Variants in MST1R observed in about 807,000 individuals in gnomAD.
MST1R encodes the protein macrophage-stimulating protein receptor.
In MST1R, 99 loss-of-function variants were observed where a neutral mutation model predicts 117.8. The observed-to-expected ratio is 0.84, with a 90% CI of 0.71 to 0.99. The LOEUF (loss-of-function observed/expected upper bound fraction) is 0.99. Among genes scored for constraint, MST1R ranks in the 50% least tolerant of loss-of-function variants. The probability of loss-of-function intolerance (pLI) is 0.00; values close to 1 mark genes in which losing one functional copy is unlikely to be tolerated. For missense variants in MST1R, 1,683 were observed against 1,840.2 expected (o/e 0.91, Z 1.56); for synonymous variants, 734 against 765.3 (o/e 0.96, Z 0.68).
chr3:49,897,364 G>A lies in MST1R; in HGVS notation c.2099C>T (p.Thr700Ile), dbSNP rs751765387. ...QPLFGPRAGG[T>I]CLTLEGQSLS... Reference sequence around the variant, plus strand: ...ACTCTGGCCTTCAAGAGTGAGACAGGTGCCTCCTGCCCGTGGGCCAAAGAG... The same window carrying A: ...ACTCTGGCCTTCAAGAGTGAGACAGATGCCTCCTGCCCGTGGGCCAAAGAG... Residue 700 changes from threonine to isoleucine, a missense_variant, in exon 7 of 20, where the codon ACC (threonine) becomes ATC (isoleucine). By Grantham distance (89) the Thr-to-Ile change is moderately conservative. Coordinates refer to ENST00000296474, the MANE Select transcript of MST1R (RefSeq NM_002447.4). 8 of 1,613,962 alleles carry A rather than the reference G, an allele frequency of 5.0e-6. No homozygotes were observed. Among genetic ancestry groups the A allele is most frequent in the Non-Finnish European group, 5.9e-6 (7 of 1,179,968 alleles).
chr3:49,890,141 G>A (rs946046260), intron 18 of MST1R, 81 bp from the exon 19 acceptor site: 1 of 1,498,538 alleles, frequency 6.7e-7, no homozygotes, highest in Non-Finnish European at 8.9e-7. Flanking sequence ...CTACCTCCCA[G>A]AGTCCTTCAG....
chr3:49,891,738 C>T lies in MST1R; in HGVS notation c.3352+20G>A, dbSNP rs1403355367. 2 of 1,613,724 alleles carry T rather than the reference C, an allele frequency of 1.2e-6. No homozygotes were observed. Among genetic ancestry groups the T allele is most frequent in the African/African-American group, 1.3e-5 (1 of 74,914 alleles). ...GCCTGAGGCCCCTCCCTCTGCCTTC[C>T]CATCTTCTGCCCCACTTACGACTTA... On this transcript the variant is annotated intron_variant, in intron 15 of 19. Coordinates refer to ENST00000296474, the MANE Select transcript of MST1R (RefSeq NM_002447.4).
chr3:49,895,882 T>C lies in MST1R; in HGVS notation c.2797-2A>G, dbSNP rs1284703805. On this transcript the variant is annotated splice_acceptor_variant, in intron 11 of 19. Transcript: ENST00000296474. LOFTEE classifies it high-confidence loss of function. ...ATGACATTCACCATCTACGCAGACC[T>C]GGGGGCAGGTGGCAACTCAGGCCCA... 6.3e-7 allele frequency: 1 copy of C among 1,592,326 alleles called. No individual in the cohort carries two copies. Among genetic ancestry groups the C allele is most frequent in the East Asian group, 2.2e-5 (1 of 44,708 alleles).
Position 49,898,502 on chromosome 3 carries a change from G to A in MST1R, c.1719+16C>T, listed in dbSNP as rs760018292. ...CCTGTCCCACTCTTACCTGTGCCCT[G>A]CCAGGGAAGCCATACCTCAGTAAGC... On this transcript the variant is annotated intron_variant, in intron 4 of 19. Coordinates refer to ENST00000296474, the MANE Select transcript of MST1R (RefSeq NM_002447.4). The A allele has an allele frequency of 1.9e-6, 3 of 1,611,456 alleles. No homozygotes were observed. The highest frequency in any genetic ancestry group is 2.5e-6 in the Non-Finnish European group (3 of 1,178,952).
chr3:49,896,997 C>G, intron 7 of MST1R, 107 bp from the exon 8 acceptor site: 1 of 1,316,356 alleles, frequency 7.6e-7, no homozygotes, highest in Non-Finnish European at 1.0e-6. Flanking sequence ...ATCTCTCCCA[C>G]CTGCCCCACT....
Position 49,903,793 on chromosome 3 carries a change from G to C in MST1R, c.-184C>G. 1 of 796,694 alleles carries C rather than the reference G, an allele frequency of 1.3e-6. No individual in the cohort carries two copies. The highest frequency in any genetic ancestry group is 1.9e-6 in the Non-Finnish European group (1 of 526,266). The allele number at this position is 796,694 out of a possible 1,614,324, so 49.4% of individuals were successfully genotyped here. A position where few individuals can be genotyped will look rare whatever the true frequency, so the allele number is the denominator to read the frequency against. On this transcript the variant is annotated 5_prime_UTR_variant, in exon 1 of 20. Transcript: ENST00000296474. ...ACCCAAATCCCTTCCCGGCCCTCGG[G>C]TCTGAGCACCTGACGCCTGCGGACG...
At chr3:49,894,320 T>C (rs1169776052) in intron 14 of MST1R, among the ~76,000 whole-genome samples, 2 of 152,216 alleles carry the variant, frequency 1.3e-5, no homozygotes, top group Non-Finnish European at 2.9e-5. Context: ...CCCAGCACTT[T>C]GGGAAGGTTA....
rs2082427455 is a variant in MST1R, at chr3:49,895,265, T to C, written c.3173A>G (p.Gln1058Arg). 1 of 1,614,208 alleles carries C rather than the reference T, an allele frequency of 6.2e-7. No individual in the cohort carries two copies. Among genetic ancestry groups the C allele is most frequent in the South Asian group, 1.1e-5 (1 of 91,092 alleles). Residue 1058 changes from glutamine to arginine, a missense_variant, in exon 14 of 20, where the codon CAG becomes CGG. By Grantham distance (43) the Gln-to-Arg change is conservative. Transcript: ENST00000296474. ...GAGCGCAGAGTCCAGGTCCCTTAGCTGGATGGACTCTTTCCGCAGCAGTGG... is the reference window on the plus strand; with the variant it reads ...GAGCGCAGAGTCCAGGTCCCTTAGCCGGATGGACTCTTTCCGCAGCAGTGG... ...CVPLLRKESIQLRDLDSALLA... is the reference protein window; with the variant it reads ...CVPLLRKESIRLRDLDSALLA...
At chr3:49,890,127 G>T (rs1559466545) in intron 18 of MST1R, 67 bp from the exon 19 acceptor site, 4 of 1,525,768 alleles carry the variant, frequency 2.6e-6, no homozygotes, top group Non-Finnish European at 3.5e-6. Context: ...GTCCCCCAGG[G>T]CTTCTACCTC....
chr3:49,891,496 A>G lies in MST1R; in HGVS notation c.3437T>C (p.Leu1146Pro), dbSNP rs2082314513. Residue 1146 changes from leucine to proline, a missense_variant, in exon 16 of 20, where the codon CTC becomes CCC. Coordinates refer to ENST00000296474, the MANE Select transcript of MST1R (RefSeq NM_002447.4). ...RGLNHPNVLA[L>P]IGIMLPPEGL... Reference sequence around the variant, plus strand: ...CTCAGGTGGCAACATGATACCAATGAGAGCCAGCACATTCGGGTGGTTCAG... The same window carrying G: ...CTCAGGTGGCAACATGATACCAATGGGAGCCAGCACATTCGGGTGGTTCAG... 2 of 1,613,908 alleles carry G rather than the reference A, an allele frequency of 1.2e-6. No homozygotes were observed. Among genetic ancestry groups the G allele is most frequent in the Non-Finnish European group, 1.7e-6 (2 of 1,180,036 alleles).
intron 5 of MST1R, 88 bp from the exon 6 acceptor site, chr3:49,897,773 C>T: frequency 6.7e-7 from 1 of 1,485,138 alleles, no homozygotes; most frequent in Non-Finnish European, 9.0e-7. Flanking sequence ...CTCCTCTGAG[C>T]CAGAGAATGG....
chr3:49,896,866 AC>A lies in MST1R; in HGVS notation c.2207del (p.Cys736LeufsTer38), dbSNP rs1283721975. 5.9e-6 allele frequency: 9 copies of A among 1,535,418 alleles called. No individual in the cohort carries two copies. Among genetic ancestry groups the A allele is most frequent in the Non-Finnish European group, 7.9e-6 (9 of 1,140,028 alleles). ...CCACCGTGGCCCCAGGGGGTGTGGC[AC>A]ATAAAAGCTGCCCCTCACTGACCCT... ...LARVSEGQLL[C>X]ATPPGATVAS... On this transcript the variant is annotated frameshift_variant, in exon 8 of 20. Coordinates refer to ENST00000296474, the MANE Select transcript of MST1R (RefSeq NM_002447.4). LOFTEE classifies it high-confidence loss of function.
Position 49,902,529 on chromosome 3 carries a change from C to T in MST1R, c.1081G>A (p.Gly361Ser). 3 of 1,614,094 alleles carry T rather than the reference C, an allele frequency of 1.9e-6. No individual in the cohort carries two copies. The highest frequency in any genetic ancestry group is 3.3e-4 in the Middle Eastern group (2 of 6,062). The change falls in exon 1 of 20, where the codon GGC (glycine) becomes AGC (serine). Residue 361 changes from glycine to serine, a missense_variant. Gly to Ser is a moderately conservative substitution (Grantham distance 56). Coordinates refer to ENST00000296474, the MANE Select transcript of MST1R (RefSeq NM_002447.4). The stretch of plus-strand genomic sequence containing the variant: ...AAGGCACAGACGACAGAGTTGGGGC[C>T]CACGCCAGGACCACCATCCTTGCCA... The part of the protein sequence containing the change: ...VTGKDGGPGV[G>S]PNSVVCAFPI...
At position 49,896,067 on chromosome 3, in the gene MST1R, T is replaced by C. The variant is rs757252933; in HGVS notation, c.2690A>G (p.Asn897Ser). ...LGAVADCVGI[N>S]VTVGGESCQH... ...GCAGCTCTCACCACCCACGGTCACGTTGATACCCACACAGTCAGCCACAGC... is the reference window on the plus strand; with the variant it reads ...GCAGCTCTCACCACCCACGGTCACGCTGATACCCACACAGTCAGCCACAGC... The change falls in exon 11 of 20, where the codon AAC becomes AGC. Residue 897 changes from asparagine (N) to serine (S), a missense_variant. Physicochemically the swap from Asn to Ser is conservative, Grantham distance 46. Transcript: ENST00000296474. The C allele has an allele frequency of 8.7e-6, 14 of 1,611,654 alleles. No homozygotes were observed. In the East Asian group the frequency reaches 2.9e-4, roughly 33 times the overall value.
Position 49,897,388 on chromosome 3 carries a change from AGGGGTT to A in MST1R, c.2069_2074del (p.Gln690_Pro691del), listed in dbSNP as rs766841040. 6.2e-7 allele frequency: 1 copy of A among 1,613,794 alleles called. No individual in the cohort carries two copies. Among genetic ancestry groups the A allele is most frequent in the Non-Finnish European group, 8.5e-7 (1 of 1,179,896 alleles). ...GGTGCCTCCTGCCCGTGGGCCAAAGAGGGGTTGCACTGCTATCAGCACTGGCTCCTA... is the reference window on the plus strand; with the variant it reads ...GGTGCCTCCTGCCCGTGGGCCAAAGAGCACTGCTATCAGCACTGGCTCCTA... On this transcript the variant is annotated inframe_deletion, in exon 7 of 20. Coordinates refer to ENST00000296474, the MANE Select transcript of MST1R (RefSeq NM_002447.4).
chr3:49,890,083 G>A (rs749920448), intron 18 of MST1R, 23 bp from the exon 19 acceptor site: 51 of 1,565,722 alleles, frequency 3.3e-5, no homozygotes, highest in Non-Finnish European at 4.1e-5. Flanking sequence ...GGAGGTGAGG[G>A]GACTCAACTC....
At chr3:49,894,802 AG>A (rs2082414468) in intron 14 of MST1R, among the ~76,000 whole-genome samples, 1 of 151,336 alleles carries the variant, frequency 6.6e-6, no homozygotes, top group Admixed American at 6.6e-5. Flanking sequence ...CTGTCCCTTT[AG>A]CCCATGTCAT....
rs41291714 is a variant in MST1R at position 49,896,291 on chromosome 3, G to C, written c.2553C>G (p.Gly851=). Residue 851 remains glycine (G), a synonymous_variant, in exon 10 of 20, where the codon GGC becomes GGG. Coordinates refer to ENST00000296474, the MANE Select transcript of MST1R (RefSeq NM_002447.4). ...GGAAGCGAAAGCCAGGCAGTGTAAA[G>C]CCAGCAGCTCCATCCCCTCGGGCAC... is the stretch of plus-strand genomic sequence containing the variant. ...NLSARGDGAA[G]FTLPGFRFLP... 1,387 of 1,614,190 alleles carry C rather than the reference G, an allele frequency of 8.6e-4. No individual in the cohort carries two copies. Among genetic ancestry groups the C allele is most frequent in the Non-Finnish European group, 9.6e-4 (1,131 of 1,180,034 alleles).
chr3:49,894,188 C>T (rs1357696089), intron 14 of MST1R, among the ~76,000 whole-genome samples: 1 of 151,006 alleles, frequency 6.6e-6, no homozygotes, highest in Non-Finnish European at 1.5e-5. Context: ...GCACTCCAGC[C>T]TGGGCAACAA....
Sources: gnomAD v4.1 joint callset for allele counts (sites outside exome capture counted in the v4.1 genomes callset) on GRCh38, gnomAD v4.1.1 for gene constraint, MANE v1.5 for transcripts, NCBI Gene and HGNC (gene_info 2026-07-23, HGNC 2026-07-21) for gene names.